The following DEFB121 variants were observed in gnomAD, a reference collection of about 807,000 sequenced individuals.
The protein encoded by DEFB121 is beta-defensin 121.
A neutral mutation model predicts 2.5 loss-of-function variants in DEFB121; 5 were observed. The ratio of observed to expected loss-of-function variants is 1.96; its 90% CI spans 1.03 to 4.13. The LOEUF is 4.13. DEFB121 is among the 30% of genes most tolerant of loss of function. The pLI is 0.00. For synonymous variants in DEFB121, 39 were observed against 32.6 expected (o/e 1.20, Z -0.67); for missense variants, 87 against 85.0 (o/e 1.02, Z -0.09).
chr20:31,409,612 G>A (rs1419507500), upstream of DEFB121, among the ~76,000 whole-genome samples: 1 of 152,098 alleles, frequency 6.6e-6, no homozygotes, highest in Non-Finnish European at 1.5e-5. Flanking sequence ...ATGGTGGCGG[G>A]TGCCTGTAAT....
At chr20:31,415,736 C>T (rs866615683), upstream of DEFB121, among the ~76,000 whole-genome samples, 2 of 150,458 alleles carry the variant, frequency 1.3e-5, no homozygotes, top group Middle Eastern at 3.5e-3. Flanking sequence ...GGACCTTCTC[C>T]TTCTCCAAGG....
chr20:31,415,675 G>A (rs190084583), upstream of DEFB121, among the ~76,000 whole-genome samples: 96 of 152,240 alleles, frequency 6.3e-4, 1 homozygote, highest in African/African-American at 2.1e-3. Flanking sequence ...GTAGAACGGA[G>A]CATGGGAACA....
upstream of DEFB121, among the ~76,000 whole-genome samples, chr20:31,416,217 C>T (rs1201208471): frequency 2.6e-5 from 4 of 152,104 alleles, no homozygotes; most frequent in South Asian, 2.1e-4. Context: ...TGCGCCACCA[C>T]GCCCAGTTAA....
chr20:31,412,750 C>G (rs1978699591), exon 1 of DEFB121: 1 of 1,101,616 alleles, frequency 9.1e-7, no homozygotes. Context: ...TCAGAGATCT[C>G]TCTGCTCACC....
At chr20:31,417,341 T>C (rs1026040268), upstream of DEFB121, among the ~76,000 whole-genome samples, 1 of 151,642 alleles carries the variant, frequency 6.6e-6, no homozygotes, top group Admixed American at 6.6e-5. Context: ...CCAGACCCTG[T>C]CTCAAAAAGA....
upstream of DEFB121, among the ~76,000 whole-genome samples, chr20:31,413,770 C>T (rs190045069): frequency 6.6e-6 from 1 of 152,308 alleles, no homozygotes; most frequent in African/African-American, 2.4e-5. Flanking sequence ...CTACAATGGG[C>T]TTAGAATGCA....
At position 31,412,592 on chromosome 20, in the gene DEFB121, T is replaced by G. The variant is rs1279027012; in HGVS notation, n.217+30A>C. 1.0e-5 allele frequency: 13 copies of G among 1,288,732 alleles called. No homozygotes were observed. In the East Asian group the frequency reaches 6.7e-4, roughly 66 times the overall value. The allele number at this position is 1,288,732 out of a possible 1,614,324, so 79.8% of individuals were successfully genotyped here. ...ATAGAGGAAAGCCTCTGACAACTGG[T>G]AGTTACTGTTATTTACTATGAATCC... On this transcript the variant is annotated intron_variant and non_coding_transcript_variant, in intron 1 of 1. Coordinates refer to the DEFB121 transcript ENST00000376312.
At chr20:31,407,823 G>A (rs1978532078), upstream of DEFB121, among the ~76,000 whole-genome samples, 1 of 152,116 alleles carries the variant, frequency 6.6e-6, no homozygotes. Flanking sequence ...TGTTGCCCAG[G>A]CTGGAGTGCC....
chr20:31,404,881 T>A lies in DEFB121; in HGVS notation c.*32A>T, dbSNP rs1310989029. The stretch of plus-strand genomic sequence containing the variant: ...GATTTAATAGAACTGCAGGATCCCA[T>A]GATGTTGAGACTCAAGGTTGGAAGA... On this transcript the variant is annotated 3_prime_UTR_variant, in exon 2 of 2. Transcript: ENST00000376314. 2 of 1,609,972 alleles carry A rather than the reference T, an allele frequency of 1.2e-6. No homozygotes were observed. Among genetic ancestry groups the A allele is most frequent in the Admixed American group, 3.4e-5 (2 of 58,742 alleles).
upstream of DEFB121, among the ~76,000 whole-genome samples, chr20:31,410,914 C>G (rs1340176464): frequency 1.3e-5 from 2 of 152,000 alleles, no homozygotes; most frequent in African/African-American, 4.8e-5. Context: ...AAGGTACTTT[C>G]TTTATGCATC....
chr20:31,413,240 C>G (rs994866670), upstream of DEFB121, among the ~76,000 whole-genome samples: 7 of 152,228 alleles, frequency 4.6e-5, no homozygotes, highest in South Asian at 2.1e-4. Context: ...AACATGCTTA[C>G]CGCTTATTGA....
At chr20:31,415,712 G>A (rs1329998015), upstream of DEFB121, among the ~76,000 whole-genome samples, 3 of 152,142 alleles carry the variant, frequency 2.0e-5, no homozygotes, top group African/African-American at 7.2e-5. Flanking sequence ...GGCATTCAGG[G>A]AGGGGTTCAT....
At chr20:31,417,829 G>C (rs545616108), upstream of DEFB121, among the ~76,000 whole-genome samples, 7 of 151,972 alleles carry the variant, frequency 4.6e-5, no homozygotes, top group African/African-American at 1.5e-4. Context: ...CAGGCATGGT[G>C]GTGGGCGCCT....
In DEFB121 at chr20:31,405,020, T is replaced by C; in HGVS notation, c.124A>G (p.Ile42Val). 1 of 1,613,174 alleles carries C rather than the reference T, an allele frequency of 6.2e-7. No homozygotes were observed. Among genetic ancestry groups the C allele is most frequent in the Non-Finnish European group, 8.5e-7 (1 of 1,179,832 alleles). Residue 42 changes from isoleucine to valine, a missense_variant, in exon 2 of 2, where the codon ATA becomes GTA. Transcript: ENST00000376314. ...TTCKESEVYY[I>V]LCKTEAKCCV... ...CACTTAGCCTCAGTTTTGCATAATA[T>C]ATAGTATACTTCACTTTCTTTACAT... is the stretch of plus-strand genomic sequence containing the variant.
intron 1 of DEFB121, chr20:31,412,521 G>T (rs1029811351): frequency 3.6e-6 from 3 of 843,684 alleles, no homozygotes; most frequent in African/African-American, 3.5e-5. Context: ...TTGCTGTGAA[G>T]ATTAAATTAG....
Position 31,406,163 on chromosome 20 carries a change from T to A in DEFB121, c.-11A>T. On this transcript the variant is annotated 5_prime_UTR_variant, in exon 1 of 2. Coordinates refer to ENST00000376314, the MANE Select transcript of DEFB121 (RefSeq NM_001011878.3). ...AAGAAGGAGCTTCATGAATGATGAA[T>A]GATCAGGGAGGGATAGGAGGCTTCT... is the stretch of plus-strand genomic sequence containing the variant. 2.5e-6 allele frequency: 4 copies of A among 1,614,014 alleles called. No individual in the cohort carries two copies. Among genetic ancestry groups the A allele is most frequent in the Non-Finnish European group, 3.4e-6 (4 of 1,179,904 alleles).
chr20:31,410,118 A>T (rs557615307), upstream of DEFB121, among the ~76,000 whole-genome samples: 44 of 152,368 alleles, frequency 2.9e-4, no homozygotes, highest in Non-Finnish European at 4.1e-4. Flanking sequence ...ATAACATAAA[A>T]CCACTTAAAA....
chr20:31,418,176 C>T, the DEFB121 span, among the ~76,000 whole-genome samples: 3 of 140,896 alleles, frequency 2.1e-5, no homozygotes, highest in African/African-American at 5.2e-5. Flanking sequence ...AGGAGAATGG[C>T]GTGAACCCGG....
At chr20:31,406,658 A>G (rs1403459917), upstream of DEFB121, among the ~76,000 whole-genome samples, 2 of 152,202 alleles carry the variant, frequency 1.3e-5, no homozygotes, top group Non-Finnish European at 2.9e-5. Context: ...TCACCACTGG[A>G]AACCAGAATG....
Sources: allele counts gnomAD v4.1 joint callset (sites outside exome capture counted in the v4.1 genomes callset), GRCh38; gene constraint gnomAD v4.1.1; transcripts MANE v1.5; gene names NCBI Gene and HGNC (gene_info 2026-07-23, HGNC 2026-07-21).